ASIC2: variants seen among roughly 807,000 people sequenced by gnomAD.
ASIC2 encodes the protein acid-sensing ion channel 2.
In ASIC2, 25 loss-of-function variants were observed where a neutral mutation model predicts 57.3. The ratio of observed to expected loss-of-function variants is 0.44; its 90% CI spans 0.32 to 0.61. The LOEUF is 0.61. ASIC2 is among the 20% of genes least tolerant of loss of function. The pLI is 0.06. For synonymous variants in ASIC2, 319 were observed against 307.5 expected, an observed-to-expected ratio of 1.04 and a Z score of -0.39; for missense variants, 641 against 738.1, an observed-to-expected ratio of 0.87 and a Z score of 1.52.
At chr17:33,324,046 C>T (rs1222987988) in intron 1 of ASIC2, among the ~76,000 whole-genome samples, 1 of 152,082 alleles carries the variant, frequency 6.6e-6, no homozygotes, top group East Asian at 1.9e-4. Context: ...GGGTTAGACT[C>T]TGGGTCAGAG....
chr17:33,718,188 C>A (rs35774400), intron 1 of ASIC2, among the ~76,000 whole-genome samples: 3 of 152,074 alleles, frequency 2.0e-5, no homozygotes, highest in Non-Finnish European at 2.9e-5. Context: ...GTTTACTTAG[C>A]CCTAATACAA....
chr17:33,716,057 C>G (rs1909209812), intron 1 of ASIC2, among the ~76,000 whole-genome samples: 1 of 152,174 alleles, frequency 6.6e-6, no homozygotes, highest in South Asian at 2.1e-4. Flanking sequence ...TACCCAATCT[C>G]CCTTCTCAAC....
chr17:33,888,963 C>T (rs144282684), intron 1 of ASIC2, among the ~76,000 whole-genome samples: 18 of 152,256 alleles, frequency 1.2e-4, no homozygotes, highest in African/African-American at 3.8e-4. Flanking sequence ...CTCTTCAATC[C>T]TCCCTCCCCA....
intron 1 of ASIC2, among the ~76,000 whole-genome samples, chr17:34,059,290 G>A (rs1406308134): frequency 2.0e-5 from 3 of 152,200 alleles, no homozygotes; most frequent in African/African-American, 4.8e-5. Context: ...ACCTGAAGCT[G>A]AGTAAAGTTA....
intron 3 of ASIC2, among the ~76,000 whole-genome samples, chr17:33,082,223 C>T (rs190415414): frequency 3.3e-5 from 5 of 152,132 alleles, no homozygotes; most frequent in Admixed American, 1.3e-4. Context: ...CGAACAATAA[C>T]GTTGGTGGGC....
intron 1 of ASIC2, among the ~76,000 whole-genome samples, chr17:33,863,907 T>G (rs1353522999): frequency 1.6e-5 from 1 of 63,972 alleles, no homozygotes; most frequent in Non-Finnish European, 3.6e-5. Context: ...TTTGTTTTTT[T>G]TTTTTTTGTT....
At position 33,564,137 on chromosome 17, in the gene ASIC2, G is replaced by A. The variant is rs185138097; in HGVS notation, c.556-452070C>T. Reference sequence around the variant, plus strand: ...GCCCTGCACGGTCTTGCATGGCTGAGATGAACCGGATAAAGGTGCATTGCT... The same window carrying A: ...GCCCTGCACGGTCTTGCATGGCTGAAATGAACCGGATAAAGGTGCATTGCT... On this transcript the variant is annotated intron_variant, in intron 1 of 9. Coordinates refer to the ASIC2 transcript ENST00000359872. Among the ~76,000 whole-genome samples, 244 of 152,278 alleles carry A rather than the reference G, an allele frequency of 1.6e-3. 2 individuals are homozygous for A. The highest frequency in any genetic ancestry group is 6.8e-3 in the Middle Eastern group (2 of 294).
chr17:34,089,947 G>A (rs1320082603), intron 1 of ASIC2, among the ~76,000 whole-genome samples: 1 of 152,114 alleles, frequency 6.6e-6, no homozygotes, highest in Non-Finnish European at 1.5e-5. Flanking sequence ...AGCTGTCTTG[G>A]TTCCTGCAGG....
At chr17:33,391,339 C>A (rs536482092) in intron 1 of ASIC2, among the ~76,000 whole-genome samples, 27 of 152,296 alleles carry the variant, frequency 1.8e-4, no homozygotes, top group African/African-American at 6.5e-4. Flanking sequence ...CAGCATTGGT[C>A]ATTTTATAGA....
chr17:34,069,942 T>A (rs1909335933), intron 1 of ASIC2: 1 of 152,112 alleles, frequency 6.6e-6, no homozygotes, highest in African/African-American at 2.4e-5. Flanking sequence ...CGTGACTCAG[T>A]GCCCAAATTT....
At chr17:34,037,910 C>G (rs1403551310) in intron 1 of ASIC2, 1 of 1,613,720 alleles carries the variant, frequency 6.2e-7, no homozygotes, top group Non-Finnish European at 8.5e-7. Flanking sequence ...AGGCTTCCTT[C>G]CATAAAGACA....
At chr17:33,162,080 C>T (rs7212519) in intron 1 of ASIC2, among the ~76,000 whole-genome samples, 3 of 151,886 alleles carry the variant, frequency 2.0e-5, no homozygotes, top group Non-Finnish European at 4.4e-5. Context: ...GACCACCTGA[C>T]GTGACTCTTT....
At chr17:33,636,488 G>A (rs903969288) in intron 1 of ASIC2, among the ~76,000 whole-genome samples, 2 of 152,230 alleles carry the variant, frequency 1.3e-5, no homozygotes, top group South Asian at 4.2e-4. Flanking sequence ...AACAGGACCC[G>A]CCCTGGCTGG....
chr17:33,523,049 G>A (rs1176598282), intron 1 of ASIC2, among the ~76,000 whole-genome samples: 1 of 152,216 alleles, frequency 6.6e-6, no homozygotes, highest in African/African-American at 2.4e-5. Context: ...CATCTTCTGA[G>A]CTGGGCCTCA....
chr17:33,522,092 A>T (rs1224046511), intron 1 of ASIC2, among the ~76,000 whole-genome samples: 1 of 152,132 alleles, frequency 6.6e-6, no homozygotes, highest in Non-Finnish European at 1.5e-5. Flanking sequence ...AGGGTCAGGG[A>T]TGGCAAAATT....
chr17:33,483,836 T>G (rs1913492345), intron 1 of ASIC2, among the ~76,000 whole-genome samples: 1 of 152,186 alleles, frequency 6.6e-6, no homozygotes, highest in South Asian at 2.1e-4. Flanking sequence ...TTACTTTACA[T>G]GACAAAAGGG....
chr17:34,025,844 A>G (rs1907357829), intron 1 of ASIC2, among the ~76,000 whole-genome samples: 1 of 152,250 alleles, frequency 6.6e-6, no homozygotes, highest in African/African-American at 2.4e-5. Context: ...TAGTGAGACT[A>G]CATATTCAAA....
intron 1 of ASIC2, among the ~76,000 whole-genome samples, chr17:33,333,574 G>A (rs1907399143): frequency 6.6e-6 from 1 of 152,084 alleles, no homozygotes; most frequent in African/African-American, 2.4e-5. Flanking sequence ...ATCTTTTGGT[G>A]GTATGGTGAT....
chr17:33,343,166 A>G (rs548583906), intron 1 of ASIC2, among the ~76,000 whole-genome samples: 2 of 152,308 alleles, frequency 1.3e-5, no homozygotes, highest in South Asian at 4.2e-4. Flanking sequence ...GGAGAGGCTG[A>G]GAGCCCAGAT....
Sources: allele counts gnomAD v4.1 joint callset (sites outside exome capture counted in the v4.1 genomes callset), GRCh38; gene constraint gnomAD v4.1.1; transcripts MANE v1.5; gene names NCBI Gene and HGNC (gene_info 2026-07-23, HGNC 2026-07-21).